MDM2: variants seen among roughly 807,000 people sequenced by gnomAD.
The protein encoded by MDM2 is MDM2 proto-oncogene.
MDM2 carries 11 observed loss-of-function variants against 64.3 expected under a neutral mutation model. The observed-to-expected ratio is 0.17, with a 90% confidence interval of 0.11 to 0.28. The LOEUF (loss-of-function observed/expected upper bound fraction) is 0.28, where lower values mean the gene tolerates loss of function less well. Ranked by LOEUF, MDM2 falls within the 10% of genes least tolerant of loss-of-function variation. The pLI is 1.00. For synonymous variants in MDM2, 194 were observed against 192.9 expected (o/e 1.01, Z -0.05); for missense variants, 388 against 577.1 (o/e 0.67, Z 3.36).
At chr12:68,847,480 G>A (rs1178131738), downstream of MDM2, 9 of 73,906 alleles carry the variant, frequency 1.2e-4, no homozygotes, top group African/African-American at 7.3e-4. Flanking sequence ...TTGAGACGGA[G>A]TCCCGCTGTT....
intron 1 of MDM2, 115 bp downstream of exon 1, chr12:68,808,606 G>C: frequency 6.8e-7 from 1 of 1,481,426 alleles, no homozygotes; most frequent in Admixed American, 2.0e-5. Context: ...GTGGCTGGGG[G>C]CTCGGGGCGC....
chr12:68,825,625 C>T (rs1882250617), intron 7 of MDM2, among the ~76,000 whole-genome samples: 1 of 152,126 alleles, frequency 6.6e-6, no homozygotes, highest in Admixed American at 6.5e-5. Context: ...TGCACTCCGC[C>T]TGGGCGACAC....
rs1271981454 is a variant in MDM2 at position 68,842,852 on chromosome 12, G to C, written c.*3003G>C. The C allele has an allele frequency of 3.9e-5, 8 of 203,838 alleles. No homozygotes were observed. Among genetic ancestry groups the C allele is most frequent in the African/African-American group, 1.6e-4 (7 of 43,646 alleles). The allele number at this position is 203,838 out of a possible 1,614,324, so 12.6% of individuals were successfully genotyped here. A position where few individuals can be genotyped will look rare whatever the true frequency, so the allele number is the denominator to read the frequency against. On this transcript the variant is annotated 3_prime_UTR_variant, in exon 11 of 11. Coordinates refer to ENST00000258149, the MANE Select transcript of MDM2 (RefSeq NM_002392.6). The stretch of plus-strand genomic sequence containing the variant: ...TTTATTAGTGTCTTAGAACAAAATG[G>C]CCTTATATAATGAAGCCTAGTTATG...
intron 8 of MDM2, among the ~76,000 whole-genome samples, chr12:68,833,914 C>G (rs913493427): frequency 3.9e-5 from 6 of 152,126 alleles, no homozygotes; most frequent in African/African-American, 1.4e-4. Context: ...TTAATTGTAT[C>G]CTAACTTGAC....
intron 8 of MDM2, among the ~76,000 whole-genome samples, chr12:68,831,142 G>A (rs770255535): frequency 6.6e-6 from 1 of 152,084 alleles, no homozygotes; most frequent in African/African-American, 2.4e-5. Context: ...CAGGTTTTTT[G>A]TTTTGAGTTG....
intron 9 of MDM2, among the ~76,000 whole-genome samples, chr12:68,836,353 A>C (rs1252513870): frequency 6.6e-6 from 1 of 152,206 alleles, no homozygotes; most frequent in Non-Finnish European, 1.5e-5. Context: ...GTTTCCCAGA[A>C]GTGACTGCCT....
At chr12:68,825,655 AAG>A (rs111343305) in intron 7 of MDM2, among the ~76,000 whole-genome samples, 14,012 of 152,220 alleles carry the variant, frequency 0.092, 2,105 homozygotes, top group African/African-American at 0.32. Flanking sequence ...GTCTAAAAAA[AAG>A]AGAGAGAGAG....
Position 68,809,282 on chromosome 12 carries a change from A to G in MDM2, c.89A>G (p.Gln30Arg). The G allele has an allele frequency of 1.2e-6, 2 of 1,614,078 alleles. No homozygotes were observed. The highest frequency in any genetic ancestry group is 1.1e-5 in the South Asian group (1 of 91,082). The change falls in exon 2 of 11, where the codon CAA becomes CGA. Residue 30 changes from glutamine (Q) to arginine (R), a missense_variant. Gln to Arg is a conservative substitution (Grantham distance 43). Around this residue, in one of 5 missense-constraint regions of MDM2, gnomAD observed 46 missense variants for 45.2 expected, o/e 1.02. Transcript: ENST00000258149. ...VTTSQIPASE[Q>R]ETLVRPKPLL... ...ACCTCACAGATTCCAGCTTCGGAAC[A>G]AGAGACCCTGGTTAGTATTTTTGTC...
At chr12:68,825,711 C>T (rs1442314134) in intron 7 of MDM2, among the ~76,000 whole-genome samples, 2 of 152,066 alleles carry the variant, frequency 1.3e-5, no homozygotes, top group Admixed American at 6.5e-5. Context: ...AGTTAGTAGA[C>T]GTAGTAGACG....
chr12:68,832,666 C>T (rs1882890131), intron 8 of MDM2, among the ~76,000 whole-genome samples: 1 of 150,002 alleles, frequency 6.7e-6, no homozygotes, highest in Non-Finnish European at 1.5e-5. Flanking sequence ...GTGTGCACCA[C>T]CACACCTGGC....
rs780013231 is a variant in MDM2 at position 68,828,946 on chromosome 12, TTAAG to T, written c.684+20_684+23del. The T allele has an allele frequency of 6.2e-7, 1 of 1,613,354 alleles. No individual in the cohort carries two copies. The highest frequency in any genetic ancestry group is 8.5e-7 in the Non-Finnish European group (1 of 1,179,450). On this transcript the variant is annotated intron_variant, in intron 8 of 10. Coordinates refer to ENST00000258149, the MANE Select transcript of MDM2 (RefSeq NM_002392.6). ...CATCGAATCCGGTAATGTTCTCATTTTAAGTAAGGCAAGACTCTTACTGTTCAAA... is the reference window on the plus strand; with the variant it reads ...CATCGAATCCGGTAATGTTCTCATTTTAAGGCAAGACTCTTACTGTTCAAA...
downstream of MDM2, chr12:68,847,210 A>ATATATATATATATATATATATATATATG (rs1565756805): frequency 7.9e-4 from 107 of 135,088 alleles, 3 homozygotes; most frequent in African/African-American, 3.2e-3. Flanking sequence ...ATATATATAT[A>ATATATATATATATATATATATATATATG]TACTTTTTTT....
At chr12:68,832,781 G>GT (rs977236664) in intron 8 of MDM2, among the ~76,000 whole-genome samples, 6 of 151,832 alleles carry the variant, frequency 4.0e-5, no homozygotes, top group African/African-American at 1.4e-4. Context: ...GGCTCCCAGA[G>GT]TATTGGGATT....
At chr12:68,832,456 T>G (rs540473443) in intron 8 of MDM2, among the ~76,000 whole-genome samples, 19 of 152,270 alleles carry the variant, frequency 1.2e-4, no homozygotes, top group African/African-American at 4.1e-4. Context: ...TAGGTATTTT[T>G]GACTACAAAG....
At position 68,820,447 on chromosome 12, in the gene MDM2, G is replaced by A. The variant is rs1001449584; in HGVS notation, c.358+73G>A. 37 of 1,107,910 alleles carry A rather than the reference G, an allele frequency of 3.3e-5. No homozygotes were observed. In the South Asian group the frequency reaches 5.1e-4, roughly 15 times the overall value. 68.6% of individuals were successfully genotyped at this position (1,107,910 alleles called of 1,614,324 possible). A position where few individuals can be genotyped will look rare whatever the true frequency, so the allele number is the denominator to read the frequency against. ...AAGACATTTTTGTTTATGTGCATAT[G>A]TTTTATAATTGTGATTCTCTTTAAA... On this transcript the variant is annotated intron_variant, in intron 5 of 10. Coordinates refer to ENST00000258149, the MANE Select transcript of MDM2 (RefSeq NM_002392.6).
At chr12:68,812,914 A>C (rs763459909) in intron 2 of MDM2, among the ~76,000 whole-genome samples, 3 of 152,312 alleles carry the variant, frequency 2.0e-5, no homozygotes, top group Non-Finnish European at 4.4e-5. Context: ...TCTAGTTGGC[A>C]GGCTCCTTGC....
chr12:68,841,521 T>C lies in MDM2; in HGVS notation c.*1672T>C. 1 of 210,552 alleles carries C rather than the reference T, an allele frequency of 4.7e-6. No homozygotes were observed. Among genetic ancestry groups the C allele is most frequent in the Non-Finnish European group, 9.6e-6 (1 of 103,712 alleles). The allele number at this position is 210,552 out of a possible 1,614,324, so 13.0% of individuals were successfully genotyped here. A position where few individuals can be genotyped will look rare whatever the true frequency, so the allele number is the denominator to read the frequency against. On this transcript the variant is annotated 3_prime_UTR_variant, in exon 11 of 11. Coordinates refer to ENST00000258149, the MANE Select transcript of MDM2 (RefSeq NM_002392.6). ...TAAGACAAAACTTGTTAAAGCCTCC[T>C]GAGTCTAACCTAGATTACATCAGGC...
At chr12:68,836,804 G>T in intron 10 of MDM2, 55 bp downstream of exon 10, 1 of 1,078,736 alleles carries the variant, frequency 9.3e-7, no homozygotes, top group African/African-American at 1.6e-5. Context: ...GTCAAGATTA[G>T]GAGACTATAT....
At position 68,824,378 on chromosome 12, in the gene MDM2, GTACATC is replaced by G; in HGVS notation, c.376_381del (p.Thr126_Ser127del). Reference sequence around the variant, plus strand: ...TTTCTCTCAGAATCATCGGACTCAGGTACATCTGTGAGTGAGAACAGGTGTCACCTT... The same window carrying G: ...TTTCTCTCAGAATCATCGGACTCAGGTGTGAGTGAGAACAGGTGTCACCTT... On this transcript the variant is annotated inframe_deletion, in exon 6 of 11. Transcript: ENST00000258149. 1 of 1,613,716 alleles carries G rather than the reference GTACATC, an allele frequency of 6.2e-7. No individual in the cohort carries two copies. Among genetic ancestry groups the G allele is most frequent in the African/African-American group, 1.3e-5 (1 of 75,018 alleles).
Sources: allele counts gnomAD v4.1 joint callset (sites outside exome capture counted in the v4.1 genomes callset), GRCh38; gene constraint gnomAD v4.1.1; regional missense constraint gnomAD v4.1.1; transcripts MANE v1.5; gene names NCBI Gene and HGNC (gene_info 2026-07-23, HGNC 2026-07-21).